DMD: variants seen among roughly 807,000 people sequenced by gnomAD.
DMD encodes the protein dystrophin.
Under a neutral mutation model 330.1 loss-of-function variants are expected in DMD, and 63 were observed. That is an observed-to-expected ratio of 0.19 (90% CI 0.16 to 0.24). The LOEUF (loss-of-function observed/expected upper bound fraction) is 0.24, where lower values mean the gene tolerates loss of function less well. DMD is among the 10% of genes least tolerant of loss of function. DMD has a pLI of 1.00. For synonymous variants in DMD, 1,223 were observed against 959.8 expected, an observed-to-expected ratio of 1.27 and a Z score of -5.07; for missense variants, 3,344 against 2,684.1, an observed-to-expected ratio of 1.25 and a Z score of -5.43.
At chrX:31,186,688 T>C (rs1486439034) in intron 67 of DMD, among the ~76,000 whole-genome samples, 1 of 112,561 alleles carries the variant, frequency 8.9e-6, no homozygotes, top group Non-Finnish European at 1.9e-5. Flanking sequence ...CACTTTTCTC[T>C]GTGTAGAGTT....
chrX:33,273,144 A>G (rs1420623647), intron 1 of DMD, among the ~76,000 whole-genome samples: 3 of 112,207 alleles, frequency 2.7e-5, no homozygotes, highest in Admixed American at 9.5e-5. Flanking sequence ...GGCCTAACAC[A>G]CAGTTGAGCT....
In DMD at chrX:31,720,073, A is replaced by G. The variant is rs184086002; in HGVS notation, c.7660+9558T>C. 2.7e-5 allele frequency among the ~76,000 whole-genome samples: 3 copies of G among 112,129 alleles called. No individual in the cohort carries two copies. The Admixed American group carries it at 2.8e-4, about 11-fold the overall frequency. On this transcript the variant is annotated intron_variant, in intron 52 of 78. Transcript: ENST00000357033. Reference sequence around the variant, plus strand: ...TTTGGGGTGATTGTTTTACAGTAACAGGTAACTATTCAAACTCTTTCCTGA... The same window carrying G: ...TTTGGGGTGATTGTTTTACAGTAACGGGTAACTATTCAAACTCTTTCCTGA...
At chrX:31,881,812 C>G (rs2094073830) in intron 47 of DMD, among the ~76,000 whole-genome samples, 1 of 111,635 alleles carries the variant, frequency 9.0e-6, no homozygotes, top group Non-Finnish European at 1.9e-5. Context: ...TATACAACAA[C>G]AAAATCACCT....
At chrX:32,051,533 AAG>A (rs2147522884) in intron 44 of DMD, among the ~76,000 whole-genome samples, 1 of 109,891 alleles carries the variant, frequency 9.1e-6, no homozygotes, top group African/African-American at 3.3e-5. Flanking sequence ...ATGCTGAATT[AAG>A]AGAGTAAATT....
At position 32,299,241 on chromosome X, in the gene DMD, A is replaced by AT. The variant is rs746762013; in HGVS notation, c.6117+10840dup. On this transcript the variant is annotated intron_variant, in intron 42 of 78. Coordinates refer to ENST00000357033, the MANE Select transcript of DMD (RefSeq NM_004006.3). Reference sequence around the variant, plus strand: ...TCCTTACTTATTGTTTTATCTCTTTATTTTTCCTTGTGTCCAATTTATCCT... The same window carrying AT: ...TCCTTACTTATTGTTTTATCTCTTTATTTTTTCCTTGTGTCCAATTTATCCT... Among the ~76,000 whole-genome samples the AT allele has an allele frequency of 3.8e-4, 42 of 109,696 alleles. 1 individual carries two copies. In the South Asian group the frequency reaches 0.012, roughly 31 times the overall value.
chrX:31,863,197 G>T (rs1360199186), intron 48 of DMD, among the ~76,000 whole-genome samples: 1 of 112,237 alleles, frequency 8.9e-6, no homozygotes, highest in African/African-American at 3.2e-5. Flanking sequence ...CACAAAATTA[G>T]CCGGGCGTGG....
At chrX:32,580,720 T>C (rs1230166109) in intron 13 of DMD, among the ~76,000 whole-genome samples, 1 of 111,977 alleles carries the variant, frequency 8.9e-6, no homozygotes, top group Non-Finnish European at 1.9e-5. Context: ...TAATGATAAT[T>C]TTTTTTGCAT....
At chrX:31,314,742 CAGAGAGAGAG>C (rs199994602) in intron 62 of DMD, among the ~76,000 whole-genome samples, 630 of 55,263 alleles carry the variant, frequency 0.011, 7 homozygotes, top group South Asian at 0.034. Context: ...AATACATACA[CAGAGAGAGAG>C]AGAGAGAGAG....
chrX:32,629,354 G>C (rs12558041), intron 11 of DMD, among the ~76,000 whole-genome samples: 33,348 of 110,392 alleles, frequency 0.3, 6,290 homozygotes, highest in African/African-American at 0.71. Context: ...TTTTGGTTTC[G>C]ATTGGCATGG....
chrX:32,750,760 T>C (rs1284967786), intron 7 of DMD, among the ~76,000 whole-genome samples: 1 of 111,812 alleles, frequency 8.9e-6, no homozygotes, highest in Non-Finnish European at 1.9e-5. Flanking sequence ...TACTTATACC[T>C]ACTGATATGG....
intron 60 of DMD, among the ~76,000 whole-genome samples, chrX:31,393,856 T>C (rs778543639): frequency 8.9e-6 from 1 of 112,042 alleles, no homozygotes; most frequent in South Asian, 3.7e-4. Context: ...AATAAGCAAA[T>C]GAATAAACTA....
Position 32,821,982 on chromosome X carries a change from C to T in DMD, c.357+1313G>A, listed in dbSNP as rs753805516. 1.2e-4 allele frequency among the ~76,000 whole-genome samples: 13 copies of T among 111,575 alleles called. 1 individual carries two copies. The East Asian group carries it at 3.7e-3, about 32-fold the overall frequency. On this transcript the variant is annotated intron_variant, in intron 5 of 78. Transcript: ENST00000357033. ...TTTGAGAGGCTACCAAGAACCAGAACTAAACCAGATTGATGCAAATTGAAT... is the reference window on the plus strand; with the variant it reads ...TTTGAGAGGCTACCAAGAACCAGAATTAAACCAGATTGATGCAAATTGAAT...
At position 32,737,008 on chromosome X, in the gene DMD, T is replaced by C. The variant is rs774236159; in HGVS notation, c.650-37715A>G. ...CATATATATCCAAATATTCATTATATATAAAAAATTTCTTTAAAATATCAT... is the reference window on the plus strand; with the variant it reads ...CATATATATCCAAATATTCATTATACATAAAAAATTTCTTTAAAATATCAT... On this transcript the variant is annotated intron_variant, in intron 7 of 78. Transcript: ENST00000357033. 6.3e-5 allele frequency among the ~76,000 whole-genome samples: 7 copies of C among 111,566 alleles called. No homozygotes were observed. In the East Asian group the frequency reaches 2.0e-3, roughly 31 times the overall value.
chrX:31,476,414 T>TACAC (rs1298017039), intron 59 of DMD, among the ~76,000 whole-genome samples: 1,177 of 98,250 alleles, frequency 0.012, 21 homozygotes, highest in East Asian at 0.069. Context: ...TATATATATA[T>TACAC]ATATATACAC....
At chrX:31,952,299 C>T (rs1029355306) in intron 45 of DMD, among the ~76,000 whole-genome samples, 3 of 111,457 alleles carry the variant, frequency 2.7e-5, no homozygotes, top group African/African-American at 9.8e-5. Context: ...TCTTTAACAA[C>T]ATTCTCTTTT....
At chrX:32,326,433 A>G (rs5927074) in intron 41 of DMD, among the ~76,000 whole-genome samples, 53,655 of 111,445 alleles carry the variant, frequency 0.48, 10,762 homozygotes, top group South Asian at 0.73. Context: ...AATAACATAT[A>G]GCATAGCTAC....
intron 56 of DMD, among the ~76,000 whole-genome samples, chrX:31,497,704 A>G (rs1215081391): frequency 8.9e-6 from 1 of 112,292 alleles, no homozygotes; most frequent in Non-Finnish European, 1.9e-5. Flanking sequence ...CAAATGAATG[A>G]TCTGTGCTAT....
At chrX:31,426,751 G>C (rs1050842259) in intron 60 of DMD, among the ~76,000 whole-genome samples, 4 of 111,786 alleles carry the variant, frequency 3.6e-5, no homozygotes, top group African/African-American at 1.3e-4. Flanking sequence ...CATTCTTAGG[G>C]GGCAGATTCC....
At chrX:32,052,717 T>A (rs1205156729) in intron 44 of DMD, among the ~76,000 whole-genome samples, 1 of 111,152 alleles carries the variant, frequency 9.0e-6, no homozygotes, top group Non-Finnish European at 1.9e-5. Context: ...AGTGGGAAGG[T>A]GGGCACAACG....
Sources: allele counts gnomAD v4.1 joint callset (sites outside exome capture counted in the v4.1 genomes callset), GRCh38; gene constraint gnomAD v4.1.1; transcripts MANE v1.5; gene names NCBI Gene and HGNC (gene_info 2026-07-23, HGNC 2026-07-21).